PREPL: variants seen among roughly 807,000 people sequenced by gnomAD.
The protein encoded by PREPL is prolyl endopeptidase like, also known as prolyl endopeptidase-like.
A neutral mutation model predicts 70.6 loss-of-function variants in PREPL; 77 were observed. The observed-to-expected ratio is 1.09, with a 90% CI of 0.91 to 1.32. PREPL has a LOEUF of 1.32. Ranked by LOEUF, PREPL falls within the 40% of genes most tolerant of loss-of-function variation. The pLI is 0.00. For synonymous variants in PREPL, 315 were observed against 264.8 expected (o/e 1.19, Z -1.84); for missense variants, 1,002 against 778.2 (o/e 1.29, Z -3.42).
intron 5 of PREPL, among the ~76,000 whole-genome samples, chr2:44,340,690 G>A (rs1675116474): frequency 6.6e-6 from 1 of 152,090 alleles, no homozygotes; most frequent in South Asian, 2.1e-4. Context: ...CACTCTGGGA[G>A]GCCAAAGCTG....
In PREPL at chr2:44,322,818, C is replaced by T. The variant is rs191681889; in HGVS notation, c.1666G>A (p.Asp556Asn). The change falls in exon 12 of 14, where the codon GAT becomes AAT. Residue 556 changes from aspartate to asparagine, a missense_variant. Physicochemically the swap from Asp to Asn is conservative, Grantham distance 23. Coordinates refer to ENST00000409411, the MANE Select transcript of PREPL (RefSeq NM_001171613.2). ...ATTCCTTTCAGAGGTACCCGTTCAT[C>T]GTTTTCATATGCCGTTATGTGAATT... ...PSIHITAYEN[D>N]ERVPLKGIVS... The T allele has an allele frequency of 4.0e-5, 65 of 1,613,732 alleles. No homozygotes were observed. The highest frequency in any genetic ancestry group is 1.3e-4 in the Admixed American group (8 of 59,988).
intron 7 of PREPL, among the ~76,000 whole-genome samples, chr2:44,336,897 T>C (rs187309669): frequency 3.2e-4 from 48 of 152,266 alleles, no homozygotes; most frequent in African/African-American, 1.1e-3. Flanking sequence ...ATTTCAGTTA[T>C]TTCAGGCCCT....
intron 5 of PREPL, among the ~76,000 whole-genome samples, chr2:44,340,873 A>T (rs1199205517): frequency 6.6e-6 from 1 of 150,916 alleles, no homozygotes; most frequent in East Asian, 1.9e-4. Flanking sequence ...GGTTGCAGTG[A>T]GCTGAGATTG....
At position 44,320,773 on chromosome 2, in the gene PREPL, T is replaced by G; in HGVS notation, c.*583A>C. On this transcript the variant is annotated 3_prime_UTR_variant, in exon 14 of 14. Transcript: ENST00000409411. ...ATTTCTGTAGCTTGAATGTAACTGCTTTAAGAAAGGTTCTCAAATGTTTTG... is the reference window on the plus strand; with the variant it reads ...ATTTCTGTAGCTTGAATGTAACTGCGTTAAGAAAGGTTCTCAAATGTTTTG... 1 of 747,400 alleles carries G rather than the reference T, an allele frequency of 1.3e-6. No individual in the cohort carries two copies. Among genetic ancestry groups the G allele is most frequent in the Non-Finnish European group, 2.3e-6 (1 of 434,872 alleles). 46.3% of individuals were successfully genotyped at this position (747,400 alleles called of 1,614,324 possible). A position where few individuals can be genotyped will look rare whatever the true frequency, so the allele number is the denominator to read the frequency against.
At chr2:44,342,270 T>C in intron 5 of PREPL, 147 bp downstream of exon 5, 1 of 656,426 alleles carries the variant, frequency 1.5e-6, no homozygotes, top group Non-Finnish European at 2.4e-6. Flanking sequence ...CAATTTTGAA[T>C]ACAAACAACT....
At position 44,329,071 on chromosome 2, in the gene PREPL, G is replaced by C; in HGVS notation, c.1128C>G (p.Asp376Glu). The C allele has an allele frequency of 6.2e-7, 1 of 1,610,598 alleles. No homozygotes were observed. The change falls in exon 9 of 14, where the codon GAC becomes GAG. Residue 376 changes from aspartate (D) to glutamate (E), a missense_variant. Asp to Glu is a conservative substitution (Grantham distance 45). Coordinates refer to ENST00000409411, the MANE Select transcript of PREPL (RefSeq NM_001171613.2). ...LVPMTVFHKT[D>E]SEDLQKKPLL... is the part of the protein sequence containing the mutation. ...GAGGTTTCTTCTGCAAGTCCTCAGA[G>C]TCAGTTTTGTGGAAAACAGTCATTG... is the stretch of plus-strand genomic sequence containing the variant.
At position 44,351,089 on chromosome 2, in the gene PREPL, A is replaced by AT. The variant is rs112509073; in HGVS notation, c.-48-4700dup. On this transcript the variant is annotated intron_variant, in intron 1 of 13. Coordinates refer to ENST00000409411, the MANE Select transcript of PREPL (RefSeq NM_001171613.2). ...AGGCACTTGCTCACCACGCTGGCTA[A>AT]TTTTTTTTTTTTTTTTTGTATTTTT... 6.1e-3 allele frequency among the ~76,000 whole-genome samples: 828 copies of AT among 136,552 alleles called. 5 individuals are homozygous for AT. Among genetic ancestry groups the AT allele is most frequent in the East Asian group, 0.02 (96 of 4,762 alleles). 89.6% of individuals were successfully genotyped at this position (136,552 alleles called of 152,430 possible).
intron 12 of PREPL, among the ~76,000 whole-genome samples, chr2:44,322,308 C>CTGAA (rs1430785129): frequency 6.6e-6 from 1 of 152,126 alleles, no homozygotes; most frequent in Non-Finnish European, 1.5e-5. Flanking sequence ...TCTCATAAAG[C>CTGAA]TGAAACAGCT....
rs553325419 is a variant in PREPL at position 44,339,103 on chromosome 2, A to G, written c.702+44T>C. 1.7e-5 allele frequency: 28 copies of G among 1,603,262 alleles called. No homozygotes were observed. In the East Asian group the frequency reaches 6.3e-4, roughly 36 times the overall value. ...GAAATGTTGTTGATCGAAGTGTGACACTTCTTAACAGCCCAAATAGGAACA... is the reference window on the plus strand; with the variant it reads ...GAAATGTTGTTGATCGAAGTGTGACGCTTCTTAACAGCCCAAATAGGAACA... On this transcript the variant is annotated intron_variant, in intron 6 of 13. Coordinates refer to ENST00000409411, the MANE Select transcript of PREPL (RefSeq NM_001171613.2).
chr2:44,334,476 A>C (rs994836418), intron 7 of PREPL, among the ~76,000 whole-genome samples: 2 of 152,206 alleles, frequency 1.3e-5, no homozygotes, highest in Non-Finnish European at 2.9e-5. Flanking sequence ...TCCAGAAAAT[A>C]CTGATGGCAT....
chr2:44,318,883 T>A lies in PREPL; in HGVS notation c.*2473A>T, dbSNP rs1356773170. 6.6e-6 allele frequency: 1 copy of A among 152,162 alleles called. No homozygotes were observed. The highest frequency in any genetic ancestry group is 1.5e-5 in the Non-Finnish European group (1 of 68,014). 9.4% of individuals were successfully genotyped at this position (152,162 alleles called of 1,614,324 possible). A position where few individuals can be genotyped will look rare whatever the true frequency, so the allele number is the denominator to read the frequency against. ...CCACCAAAAATCATGACTACGCATC[T>A]AACAGCTTCAAAATATAGAAAATAC... On this transcript the variant is annotated 3_prime_UTR_variant, in exon 14 of 14. Transcript: ENST00000409411.
intron 7 of PREPL, among the ~76,000 whole-genome samples, chr2:44,335,609 A>G (rs1237851893): frequency 6.6e-6 from 1 of 152,214 alleles, no homozygotes; most frequent in Non-Finnish European, 1.5e-5. Flanking sequence ...ACCCTTGAAG[A>G]AAACCTAGGA....
chr2:44,347,773 A>G (rs1003431481), intron 1 of PREPL, among the ~76,000 whole-genome samples: 1 of 152,228 alleles, frequency 6.6e-6, no homozygotes, highest in South Asian at 2.1e-4. Flanking sequence ...CAACAGCTGG[A>G]AAGTATTTAT....
rs1203381260 is a variant in PREPL at position 44,320,965 on chromosome 2, T to C, written c.*391A>G. On this transcript the variant is annotated 3_prime_UTR_variant, in exon 14 of 14. Transcript: ENST00000409411. Reference sequence around the variant, plus strand: ...TATCTTTTCCCTTAAAATGCAGTCATAGAAATTAGAGGATGACTCACTGCC... The same window carrying C: ...TATCTTTTCCCTTAAAATGCAGTCACAGAAATTAGAGGATGACTCACTGCC... 3 of 403,518 alleles carry C rather than the reference T, an allele frequency of 7.4e-6. No individual in the cohort carries two copies. The highest frequency in any genetic ancestry group is 1.4e-5 in the Non-Finnish European group (3 of 220,394). The allele number at this position is 403,518 out of a possible 1,614,324, so 25.0% of individuals were successfully genotyped here. A position where few individuals can be genotyped will look rare whatever the true frequency, so the allele number is the denominator to read the frequency against.
At chr2:44,329,617 G>A (rs1673885202) in intron 8 of PREPL, among the ~76,000 whole-genome samples, 1 of 152,026 alleles carries the variant, frequency 6.6e-6, no homozygotes, top group Non-Finnish European at 1.5e-5. Context: ...AAATCTTACT[G>A]ATGTTACTGA....
rs573275681 is a variant in PREPL at position 44,359,834 on chromosome 2, C to A, written c.-49+1546G>T. The A allele has an allele frequency of 3.8e-4, 255 of 676,998 alleles. 6 individuals are homozygous for A. In the South Asian group the frequency reaches 4.7e-3, roughly 12 times the overall value. 41.9% of individuals were successfully genotyped at this position (676,998 alleles called of 1,614,324 possible). On this transcript the variant is annotated intron_variant, in intron 1 of 13. Coordinates refer to ENST00000409411, the MANE Select transcript of PREPL (RefSeq NM_001171613.2). ...ACTAAGATCAGCAGTTCTCATCCCT[C>A]CTTTTCAGGGCCATGCCCCACTTAG...
chr2:44,333,329 G>A (rs1674308052), intron 7 of PREPL, among the ~76,000 whole-genome samples: 1 of 152,176 alleles, frequency 6.6e-6, no homozygotes, highest in Admixed American at 6.5e-5. Context: ...CAGAGCAGCA[G>A]GGTCCAGCTT....
chr2:44,320,116 A>G lies in PREPL; in HGVS notation c.*1240T>C. On this transcript the variant is annotated 3_prime_UTR_variant, in exon 14 of 14. Transcript: ENST00000409411. ...AAATTGGAGCAAGTGTTTTGGGTAA[A>G]TAACTCCTTACAATATATTAAAAAT... 9 of 1,264,980 alleles carry G rather than the reference A, an allele frequency of 7.1e-6. No homozygotes were observed. The highest frequency in any genetic ancestry group is 2.2e-5 in the Admixed American group (1 of 44,980). The allele number at this position is 1,264,980 out of a possible 1,614,324, so 78.4% of individuals were successfully genotyped here.
At chr2:44,344,392 C>G in intron 3 of PREPL, 128 bp downstream of exon 3, 2 of 732,242 alleles carry the variant, frequency 2.7e-6, no homozygotes, top group Non-Finnish European at 4.3e-6. Flanking sequence ...AAAAACTAGT[C>G]ATTAAAAAAA....
Sources: gnomAD v4.1 joint callset for allele counts (sites outside exome capture counted in the v4.1 genomes callset) on GRCh38, gnomAD v4.1.1 for gene constraint, MANE v1.5 for transcripts, NCBI Gene and HGNC (gene_info 2026-07-23, HGNC 2026-07-21) for gene names.